The following PPP3CA variants were observed in gnomAD, a reference collection of about 807,000 sequenced individuals.
The protein encoded by PPP3CA is CAM-PRP catalytic subunit.
A neutral mutation model predicts 66.5 loss-of-function variants in PPP3CA; 14 were observed. The ratio of observed to expected loss-of-function variants is 0.21; its 90% CI spans 0.14 to 0.33. The LOEUF (loss-of-function observed/expected upper bound fraction) is 0.33, where lower values mean the gene tolerates loss of function less well. Ranked by LOEUF, PPP3CA falls within the 10% of genes least tolerant of loss-of-function variation. PPP3CA has a pLI of 1.00. For missense variants in PPP3CA, 317 were observed against 639.5 expected (o/e 0.50, Z 5.44); for synonymous variants, 232 against 226.2 (o/e 1.03, Z -0.23).
chr4:101,075,030 G>A (rs955020205), intron 8 of PPP3CA, among the ~76,000 whole-genome samples: 6 of 152,176 alleles, frequency 3.9e-5, no homozygotes, highest in Middle Eastern at 3.2e-3. Context: ...GAGAGCTTGC[G>A]CAGGGGAACT....
intron 1 of PPP3CA, among the ~76,000 whole-genome samples, chr4:101,290,911 T>G (rs1728002590): frequency 6.6e-6 from 1 of 152,196 alleles, no homozygotes; most frequent in South Asian, 2.1e-4. Context: ...TCAGAGTCAT[T>G]CAGACGCAAG....
At chr4:101,072,422 C>T (rs1728956708) in intron 8 of PPP3CA, among the ~76,000 whole-genome samples, 1 of 152,126 alleles carries the variant, frequency 6.6e-6, no homozygotes. Flanking sequence ...TGCAGTCAGT[C>T]AGCTGAGTTT....
chr4:101,071,748 G>A (rs1401576960), intron 8 of PPP3CA, among the ~76,000 whole-genome samples: 1 of 152,070 alleles, frequency 6.6e-6, no homozygotes, highest in Non-Finnish European at 1.5e-5. Flanking sequence ...AATTCTATAG[G>A]CAAAGCTTTG....
intron 1 of PPP3CA, among the ~76,000 whole-genome samples, chr4:101,237,069 A>T (rs1726154073): frequency 1.3e-5 from 2 of 150,302 alleles, no homozygotes; most frequent in African/African-American, 4.9e-5. Context: ...CAACTAGATC[A>T]TTAAAATCAG....
intron 2 of PPP3CA, among the ~76,000 whole-genome samples, chr4:101,146,437 GA>G (rs1722971059): frequency 6.6e-6 from 1 of 151,852 alleles, no homozygotes. Flanking sequence ...CAGTACTAGA[GA>G]AAGAACCACT....
At chr4:101,235,757 A>G (rs571344757) in intron 1 of PPP3CA, among the ~76,000 whole-genome samples, 37 of 151,992 alleles carry the variant, frequency 2.4e-4, no homozygotes, top group Admixed American at 2.0e-3. Context: ...CTTCATGTGT[A>G]GCTTCCCTCA....
At chr4:101,247,413 C>T (rs1255335453) in intron 1 of PPP3CA, among the ~76,000 whole-genome samples, 1 of 152,074 alleles carries the variant, frequency 6.6e-6, no homozygotes, top group Non-Finnish European at 1.5e-5. Flanking sequence ...TCTCCCACCT[C>T]AGCCTCCCAA....
At chr4:101,038,942 T>C (rs1024495545) in intron 11 of PPP3CA, among the ~76,000 whole-genome samples, 2 of 152,242 alleles carry the variant, frequency 1.3e-5, no homozygotes, top group Non-Finnish European at 2.9e-5. Context: ...ATAGTCCATT[T>C]ATCACGGGAT....
chr4:101,168,880 A>G (rs960481517), intron 2 of PPP3CA, among the ~76,000 whole-genome samples: 2 of 152,194 alleles, frequency 1.3e-5, no homozygotes, highest in African/African-American at 2.4e-5. Context: ...CTGCTTACAC[A>G]TATGATGATA....
intron 2 of PPP3CA, among the ~76,000 whole-genome samples, chr4:101,190,059 G>T (rs1167333056): frequency 1.3e-5 from 2 of 152,080 alleles, no homozygotes; most frequent in South Asian, 4.1e-4. Context: ...GCATAGATGA[G>T]ATTGAAAATA....
intron 2 of PPP3CA, among the ~76,000 whole-genome samples, chr4:101,165,489 C>T (rs1723665388): frequency 6.6e-6 from 1 of 152,114 alleles, no homozygotes; most frequent in Non-Finnish European, 1.5e-5. Context: ...ATACAGTCCC[C>T]TAACCTTTTA....
intron 10 of PPP3CA, among the ~76,000 whole-genome samples, chr4:101,054,147 A>G (rs1728127376): frequency 6.6e-6 from 1 of 151,578 alleles, no homozygotes; most frequent in Admixed American, 6.6e-5. Flanking sequence ...TATATTAAAG[A>G]TTAATATATT....
intron 3 of PPP3CA, among the ~76,000 whole-genome samples, chr4:101,106,510 A>G (rs1307245392): frequency 6.7e-6 from 1 of 148,980 alleles, no homozygotes. Context: ...GAAAGAAAGA[A>G]AGAAAAAGAA....
At chr4:101,183,933 G>T (rs1436302792) in intron 2 of PPP3CA, among the ~76,000 whole-genome samples, 1 of 152,106 alleles carries the variant, frequency 6.6e-6, no homozygotes, top group East Asian at 1.9e-4. Context: ...CTACTATGAG[G>T]AATGGCTAGT....
At chr4:101,139,456 T>C (rs185411585) in intron 2 of PPP3CA, among the ~76,000 whole-genome samples, 47 of 152,184 alleles carry the variant, frequency 3.1e-4, no homozygotes, top group African/African-American at 1.0e-3. Context: ...TACAAATTTA[T>C]GCAGACATTC....
chr4:101,072,171 A>C (rs1728944720), intron 8 of PPP3CA, among the ~76,000 whole-genome samples: 1 of 152,226 alleles, frequency 6.6e-6, no homozygotes, highest in African/African-American at 2.4e-5. Context: ...AAGGTATTCT[A>C]ACTTCATTCT....
intron 6 of PPP3CA, 62 bp downstream of exon 6, chr4:101,093,714 G>C: frequency 2.8e-6 from 4 of 1,435,900 alleles, no homozygotes; most frequent in Non-Finnish European, 3.7e-6. Flanking sequence ...CAAACACATG[G>C]ACTGATAAAT....
At chr4:101,241,463 AAAAG>A (rs983525516) in intron 1 of PPP3CA, among the ~76,000 whole-genome samples, 2 of 152,174 alleles carry the variant, frequency 1.3e-5, no homozygotes, top group African/African-American at 2.4e-5. Flanking sequence ...TTTGTTGAAT[AAAAG>A]AAAGAATATT....
intron 2 of PPP3CA, among the ~76,000 whole-genome samples, chr4:101,144,383 G>T (rs969644725): frequency 2.0e-5 from 3 of 152,116 alleles, no homozygotes; most frequent in African/African-American, 4.8e-5. Flanking sequence ...CTGGAAAATA[G>T]TATTGCAAAT....
Sources: allele counts gnomAD v4.1 joint callset (sites outside exome capture counted in the v4.1 genomes callset), GRCh38; gene constraint gnomAD v4.1.1; transcripts MANE v1.5; gene names NCBI Gene and HGNC (gene_info 2026-07-23, HGNC 2026-07-21).